The following TMEM178B variants were observed in gnomAD, a reference collection of about 807,000 sequenced individuals.
TMEM178B encodes transmembrane protein 178B.
In TMEM178B, 5 loss-of-function variants were observed where a neutral mutation model predicts 31.0. The observed-to-expected ratio is 0.16, with a 90% CI of 0.08 to 0.34. The LOEUF is 0.34. Among genes scored for constraint, TMEM178B ranks in the 10% least tolerant of loss-of-function variants. The pLI is 1.00. For synonymous variants in TMEM178B, 164 were observed against 164.0 expected (o/e 1.00, Z 0.00); for missense variants, 275 against 400.3 (o/e 0.69, Z 2.67).
Position 141,422,924 on chromosome 7 carries a change from C to G in TMEM178B, c.497-14684C>G, listed in dbSNP as rs1563178576. On this transcript the variant is annotated intron_variant, in intron 2 of 3. Transcript: ENST00000565468. This position sits in a 1 kb window ranked among gnomAD's most constrained non-coding sequence, Gnocchi z 4.2. ...GCAAGCTCTACACAAGGTCTCACGCCTCTCTTTAGAACAGTGCTGTCCCAT... is the reference window on the plus strand; with the variant it reads ...GCAAGCTCTACACAAGGTCTCACGCGTCTCTTTAGAACAGTGCTGTCCCAT... Among the ~76,000 whole-genome samples the G allele has an allele frequency of 6.6e-6, 1 of 152,232 alleles. No individual in the cohort carries two copies. Among genetic ancestry groups the G allele is most frequent in the Admixed American group, 6.5e-5 (1 of 15,282 alleles).
intron 2 of TMEM178B, among the ~76,000 whole-genome samples, chr7:141,409,636 G>A (rs892653595): frequency 6.6e-6 from 1 of 151,974 alleles, no homozygotes; most frequent in African/African-American, 2.4e-5. Context: ...TTCATCTCTG[G>A]TCTCTGTAAT....
chr7:141,448,489 G>A (rs1423335360), intron 3 of TMEM178B, among the ~76,000 whole-genome samples: 2 of 152,312 alleles, frequency 1.3e-5, no homozygotes, highest in South Asian at 4.1e-4. Context: ...TTTGATGAAA[G>A]TGTTGGTGGA....
intron 1 of TMEM178B, among the ~76,000 whole-genome samples, chr7:141,088,459 C>G (rs1032101486): frequency 6.6e-6 from 1 of 152,064 alleles, no homozygotes; most frequent in Non-Finnish European, 1.5e-5. Flanking sequence ...GTGTAGATAT[C>G]CTTCAGAATT....
At chr7:141,194,110 T>C (rs1345870880) in intron 1 of TMEM178B, among the ~76,000 whole-genome samples, 1 of 152,100 alleles carries the variant, frequency 6.6e-6, no homozygotes, top group East Asian at 1.9e-4. Context: ...GGAGATACAA[T>C]TCAAGTTGAG....
intron 2 of TMEM178B, among the ~76,000 whole-genome samples, chr7:141,343,091 T>A (rs1391488487): frequency 6.6e-6 from 1 of 152,148 alleles, no homozygotes; most frequent in Non-Finnish European, 1.5e-5. Context: ...AGAAGGTTCA[T>A]CTCTAATGAG....
intron 1 of TMEM178B, among the ~76,000 whole-genome samples, chr7:141,197,724 C>T (rs917725564): frequency 3.3e-5 from 5 of 152,150 alleles, no homozygotes; most frequent in African/African-American, 9.7e-5. Flanking sequence ...CCTCCACCTC[C>T]TGGGTTCAAG....
chr7:141,358,767 A>G (rs968420412), intron 2 of TMEM178B, among the ~76,000 whole-genome samples: 3 of 152,136 alleles, frequency 2.0e-5, no homozygotes, highest in Admixed American at 6.6e-5. Context: ...ATAGAGAATG[A>G]TGTTTAGATT....
intron 2 of TMEM178B, among the ~76,000 whole-genome samples, chr7:141,302,467 T>C (rs1798745320): frequency 6.6e-6 from 1 of 152,128 alleles, no homozygotes; most frequent in African/African-American, 2.4e-5. Context: ...AAACAGAAAG[T>C]AGAATGGTAG....
intron 2 of TMEM178B, among the ~76,000 whole-genome samples, chr7:141,244,992 G>C (rs1797701354): frequency 1.3e-5 from 2 of 151,096 alleles, no homozygotes; most frequent in South Asian, 4.2e-4. Flanking sequence ...ACAAAATTTA[G>C]CAGGCATGGT....
chr7:141,226,864 A>C (rs1416068052), intron 2 of TMEM178B, among the ~76,000 whole-genome samples: 1 of 108,614 alleles, frequency 9.2e-6, no homozygotes, highest in East Asian at 2.7e-4. Flanking sequence ...ACTCTGAAAA[A>C]AAAAAAAAAA....
chr7:141,495,599 A>G, the TMEM178B span, among the ~76,000 whole-genome samples: 568 of 152,224 alleles, frequency 3.7e-3, 1 homozygote, highest in Non-Finnish European at 6.0e-3. Flanking sequence ...CCCCAGTTAT[A>G]TTTATATACA....
chr7:141,364,659 C>CAAAAAA (rs980786132), intron 2 of TMEM178B, among the ~76,000 whole-genome samples: 1 of 47,690 alleles, frequency 2.1e-5, no homozygotes, highest in Non-Finnish European at 4.1e-5. Context: ...GACTCTGTCT[C>CAAAAAA]AAAAAAAAAA....
rs535403569 is a variant in TMEM178B at position 141,275,683 on chromosome 7, CTGGATAT to C, written c.496+62980_496+62986del. 1.7e-3 allele frequency among the ~76,000 whole-genome samples: 257 copies of C among 152,318 alleles called. 2 individuals carry two copies. Among genetic ancestry groups the C allele is most frequent in the East Asian group, 5.2e-3 (27 of 5,190 alleles). On this transcript the variant is annotated intron_variant, in intron 2 of 3. Transcript: ENST00000565468. ...GTAAATAGCTCAATCAAGGTGCCTT[CTGGATAT>C]AAGACTATGCTTTCTTTAATTTCAT...
intron 1 of TMEM178B, among the ~76,000 whole-genome samples, chr7:141,095,927 T>C (rs1033046837): frequency 1.3e-5 from 2 of 152,204 alleles, no homozygotes; most frequent in African/African-American, 4.8e-5. Context: ...CTTTTACCTG[T>C]CTTTCATCAC....
chr7:141,119,788 G>A (rs1795380503), intron 1 of TMEM178B, among the ~76,000 whole-genome samples: 1 of 152,112 alleles, frequency 6.6e-6, no homozygotes. Context: ...GCTTTGGATT[G>A]GATACCCTCT....
chr7:141,109,027 C>A (rs1303963525), intron 1 of TMEM178B, among the ~76,000 whole-genome samples: 2 of 152,176 alleles, frequency 1.3e-5, no homozygotes, highest in Admixed American at 1.3e-4. Context: ...ACCATCAAAT[C>A]TCATGAGACT....
intron 2 of TMEM178B, among the ~76,000 whole-genome samples, chr7:141,402,218 G>C (rs1403167746): frequency 1.3e-5 from 2 of 152,188 alleles, no homozygotes; most frequent in Non-Finnish European, 2.9e-5. Flanking sequence ...TCTAGTTCTG[G>C]AGAGAGAAAA....
In TMEM178B at chr7:141,419,913, CA is replaced by C. The variant is rs147565302; in HGVS notation, c.497-17694del. ...TTACGTGGCAAAAAAAACCATTACA[CA>C]GGAGTATATAGAACATTTACTCTTT... On this transcript the variant is annotated intron_variant, in intron 2 of 3. Transcript: ENST00000565468. 3.0e-3 allele frequency among the ~76,000 whole-genome samples: 458 copies of C among 152,282 alleles called. 2 individuals carry two copies. The highest frequency in any genetic ancestry group is 8.0e-3 in the Admixed American group (123 of 15,292).
intron 1 of TMEM178B, among the ~76,000 whole-genome samples, chr7:141,201,674 G>C (rs1335468564): frequency 6.6e-6 from 1 of 152,180 alleles, no homozygotes; most frequent in Non-Finnish European, 1.5e-5. Context: ...ATGGGGACAG[G>C]AATGTAGCTG....
Sources: allele counts gnomAD v4.1 joint callset (sites outside exome capture counted in the v4.1 genomes callset), GRCh38; gene constraint gnomAD v4.1.1; non-coding constraint Gnocchi (gnomAD v3.1); transcripts MANE v1.5; gene names NCBI Gene and HGNC (gene_info 2026-07-23, HGNC 2026-07-21).